Variants in MAF observed in about 807,000 individuals in gnomAD.
MAF encodes the protein MAF bZIP transcription factor.
In MAF, 10 loss-of-function variants were observed where a neutral mutation model predicts 22.0. The observed-to-expected ratio is 0.45, with a 90% CI of 0.28 to 0.77. The LOEUF (loss-of-function observed/expected upper bound fraction) is 0.77, where lower values mean the gene tolerates loss of function less well. Ranked by LOEUF, MAF falls within the 30% of genes least tolerant of loss-of-function variation. MAF has a pLI of 0.12. For synonymous variants in MAF, 337 were observed against 255.8 expected (o/e 1.32, Z -3.03); for missense variants, 544 against 548.4 (o/e 0.99, Z 0.08).
the MAF span, among the ~76,000 whole-genome samples, chr16:79,497,036 A>G: frequency 2.6e-5 from 4 of 152,206 alleles, no homozygotes; most frequent in Non-Finnish European, 5.9e-5. Flanking sequence ...GAATAATAAT[A>G]ATAATAAAAA....
the MAF span, among the ~76,000 whole-genome samples, chr16:79,443,713 G>T: frequency 6.6e-6 from 1 of 152,216 alleles, no homozygotes. Flanking sequence ...CATCCGACTT[G>T]TTCTTGGTCA....
At chr16:79,363,387 T>C in the MAF span, among the ~76,000 whole-genome samples, 1 of 152,236 alleles carries the variant, frequency 6.6e-6, no homozygotes, top group Admixed American at 6.5e-5. Context: ...TAGCCTAGCC[T>C]GTCTTAAACA....
At chr16:79,390,854 A>G in the MAF span, among the ~76,000 whole-genome samples, 1 of 152,188 alleles carries the variant, frequency 6.6e-6, no homozygotes, top group African/African-American at 2.4e-5. Context: ...CTGCTAGGAA[A>G]GGGTTTGCTC....
At chr16:79,284,295 A>C in the MAF span, among the ~76,000 whole-genome samples, 1 of 152,334 alleles carries the variant, frequency 6.6e-6, no homozygotes, top group South Asian at 2.1e-4. Flanking sequence ...TGCCATATGC[A>C]TTCTTGCAGC....
chr16:79,557,175 T>TTA, the MAF span, among the ~76,000 whole-genome samples: 1 of 150,928 alleles, frequency 6.6e-6, no homozygotes, highest in Non-Finnish European at 1.5e-5. Flanking sequence ...TAGTTTTTTT[T>TTA]ATTCAATTCC....
At chr16:79,425,917 C>T in the MAF span, among the ~76,000 whole-genome samples, 1 of 152,168 alleles carries the variant, frequency 6.6e-6, no homozygotes, top group South Asian at 2.1e-4. Context: ...CATTCAGATT[C>T]TAAGTTGGAC....
At chr16:79,372,625 T>C in the MAF span, among the ~76,000 whole-genome samples, 2 of 152,218 alleles carry the variant, frequency 1.3e-5, no homozygotes, top group Non-Finnish European at 2.9e-5. Context: ...CGAGGCAGGC[T>C]GCGGTCTGGC....
the MAF span, among the ~76,000 whole-genome samples, chr16:79,455,021 G>T: frequency 0.021 from 3,253 of 151,694 alleles, 139 homozygotes; most frequent in East Asian, 0.18. Flanking sequence ...ACTTGGACCC[G>T]GGAGGTGGAG....
the MAF span, among the ~76,000 whole-genome samples, chr16:79,491,460 T>A: frequency 6.6e-6 from 1 of 152,156 alleles, no homozygotes; most frequent in African/African-American, 2.4e-5. Flanking sequence ...AGAGCCAGCT[T>A]CGCAGTCTCG....
chr16:79,393,902 A>G, the MAF span, among the ~76,000 whole-genome samples: 1 of 152,242 alleles, frequency 6.6e-6, no homozygotes, highest in Admixed American at 6.5e-5. Context: ...AGTTAACAAT[A>G]GCAGCCAAGT....
the MAF span, among the ~76,000 whole-genome samples, chr16:79,408,235 G>C: frequency 2.0e-5 from 3 of 152,150 alleles, no homozygotes; most frequent in Non-Finnish European, 4.4e-5. Flanking sequence ...GGAGTGCAGT[G>C]ATGGGATCTC....
the MAF span, among the ~76,000 whole-genome samples, chr16:79,576,326 G>C: frequency 6.8e-6 from 1 of 147,792 alleles, no homozygotes; most frequent in African/African-American, 2.5e-5. Context: ...TCAGGCGATT[G>C]ATTAAAAAAC....
At chr16:79,280,120 G>T in the MAF span, among the ~76,000 whole-genome samples, 1 of 152,218 alleles carries the variant, frequency 6.6e-6, no homozygotes, top group Non-Finnish European at 1.5e-5. Flanking sequence ...AACCAGAAGT[G>T]ATTTTCAGCT....
the MAF span, among the ~76,000 whole-genome samples, chr16:79,529,661 G>T: frequency 6.6e-6 from 1 of 152,102 alleles, no homozygotes; most frequent in African/African-American, 2.4e-5. Context: ...TACAAAGCAT[G>T]CAATAAATAT....
At chr16:79,505,949 GAGAA>G in the MAF span, among the ~76,000 whole-genome samples, 254 of 151,850 alleles carry the variant, frequency 1.7e-3, no homozygotes, top group African/African-American at 5.7e-3. Flanking sequence ...GGAAGGAAAA[GAGAA>G]AGAAAGAAAG....
chr16:79,591,140 C>A (rs981200527), downstream of MAF, among the ~76,000 whole-genome samples: 3 of 152,082 alleles, frequency 2.0e-5, no homozygotes, highest in East Asian at 5.8e-4. Flanking sequence ...CGGAAAGGAC[C>A]AACCACAAGG....
chr16:79,547,330 TACAC>T, the MAF span, among the ~76,000 whole-genome samples: 1 of 151,764 alleles, frequency 6.6e-6, no homozygotes, highest in Non-Finnish European at 1.5e-5. Flanking sequence ...TGTACACACA[TACAC>T]ACACGTACCC....
At chr16:79,530,181 C>A in the MAF span, among the ~76,000 whole-genome samples, 1 of 152,092 alleles carries the variant, frequency 6.6e-6, no homozygotes, top group Non-Finnish European at 1.5e-5. Context: ...ATTTTAAGGT[C>A]CTGTTTATCT....
At chr16:79,443,607 A>G in the MAF span, among the ~76,000 whole-genome samples, 1 of 152,272 alleles carries the variant, frequency 6.6e-6, no homozygotes, top group Non-Finnish European at 1.5e-5. Flanking sequence ...TTCTCCATCT[A>G]GGAACAAATC....
Sources: allele counts gnomAD v4.1 joint callset (sites outside exome capture counted in the v4.1 genomes callset), GRCh38; gene constraint gnomAD v4.1.1; transcripts MANE v1.5; gene names NCBI Gene and HGNC (gene_info 2026-07-23, HGNC 2026-07-21).